LSAMP: variants seen among roughly 807,000 people sequenced by gnomAD.
The protein encoded by LSAMP is limbic system associated membrane protein.
A neutral mutation model predicts 38.6 loss-of-function variants in LSAMP; 7 were observed. The observed-to-expected ratio is 0.18, with a 90% CI of 0.10 to 0.34. The LOEUF is 0.34. LSAMP is among the 10% of genes least tolerant of loss of function. LSAMP has a pLI of 1.00. For missense variants in LSAMP, 313 were observed against 420.0 expected (o/e 0.75, Z 2.23); for synonymous variants, 154 against 166.8 (o/e 0.92, Z 0.59).
At chr3:115,999,327 C>T (rs985759009) in intron 3 of LSAMP, among the ~76,000 whole-genome samples, 7 of 152,180 alleles carry the variant, frequency 4.6e-5, no homozygotes. Flanking sequence ...TCATTCTCCT[C>T]TCTGGCTACC....
intron 2 of LSAMP, among the ~76,000 whole-genome samples, chr3:116,074,942 C>A (rs956380940): frequency 6.7e-6 from 1 of 148,162 alleles, no homozygotes; most frequent in Non-Finnish European, 1.5e-5. Context: ...CACCCGGGTT[C>A]AAGTGATTCT....
chr3:116,161,307 C>A (rs1709881322), intron 1 of LSAMP, among the ~76,000 whole-genome samples: 1 of 152,118 alleles, frequency 6.6e-6, no homozygotes, highest in South Asian at 2.1e-4. Context: ...GTGAATATAG[C>A]AAGATGATTT....
At chr3:115,907,839 T>A (rs868197825) in intron 3 of LSAMP, among the ~76,000 whole-genome samples, 2 of 152,304 alleles carry the variant, frequency 1.3e-5, no homozygotes, top group Middle Eastern at 6.8e-3. Context: ...CACCAGCTAT[T>A]GCTGAGTAAA....
At chr3:115,833,517 T>C (rs1401884338) in intron 6 of LSAMP, among the ~76,000 whole-genome samples, 2 of 152,172 alleles carry the variant, frequency 1.3e-5, no homozygotes, top group Non-Finnish European at 2.9e-5. Flanking sequence ...TTAAAATATA[T>C]TTGCATATGT....
chr3:115,854,282 A>ATTATTATTTT (rs1366839788), intron 3 of LSAMP, among the ~76,000 whole-genome samples: 1 of 107,030 alleles, frequency 9.3e-6, no homozygotes, highest in African/African-American at 3.7e-5. Context: ...TATTATTATT[A>ATTATTATTTT]TTTTTTTTTT....
At chr3:116,186,972 G>A (rs895577647) in intron 1 of LSAMP, among the ~76,000 whole-genome samples, 2 of 152,092 alleles carry the variant, frequency 1.3e-5, no homozygotes, top group African/African-American at 2.4e-5. Context: ...CCAGGTGGTG[G>A]GAGGGGTGGT....
At chr3:116,057,957 C>CACACACACA (rs1553699978) in intron 2 of LSAMP, among the ~76,000 whole-genome samples, 20 of 117,560 alleles carry the variant, frequency 1.7e-4, no homozygotes, top group Admixed American at 3.4e-4. Context: ...ACACACACAC[C>CACACACACA]CACACACACA....
intron 4 of LSAMP, among the ~76,000 whole-genome samples, chr3:115,851,439 TG>T (rs1488882544): frequency 1.3e-5 from 2 of 152,190 alleles, no homozygotes; most frequent in African/African-American, 4.8e-5. Flanking sequence ...TTTACCTCCT[TG>T]GGTTGTGGTT....
intron 2 of LSAMP, among the ~76,000 whole-genome samples, chr3:116,078,538 G>C (rs1458713878): frequency 1.3e-5 from 2 of 152,086 alleles, no homozygotes; most frequent in East Asian, 3.9e-4. Context: ...GTGTTAGCCA[G>C]GATGGTCTTG....
chr3:116,375,344 T>G (rs1448237732), intron 1 of LSAMP, among the ~76,000 whole-genome samples: 3 of 151,964 alleles, frequency 2.0e-5, no homozygotes, highest in African/African-American at 7.2e-5. Flanking sequence ...ATTTTTTAAA[T>G]TTTTTAAGTA....
chr3:115,889,108 G>C (rs994009053), intron 3 of LSAMP, among the ~76,000 whole-genome samples: 1 of 151,926 alleles, frequency 6.6e-6, no homozygotes, highest in Non-Finnish European at 1.5e-5. Context: ...ACATGTTCCA[G>C]TTGGGTAGGA....
intron 3 of LSAMP, among the ~76,000 whole-genome samples, chr3:115,854,317 C>A (rs981558667): frequency 1.6e-5 from 2 of 128,308 alleles, no homozygotes; most frequent in African/African-American, 6.0e-5. Context: ...GAGTCCCGCT[C>A]TTTAGCCTAG....
chr3:116,305,547 G>GAA (rs199767566), intron 1 of LSAMP, among the ~76,000 whole-genome samples: 4 of 147,092 alleles, frequency 2.7e-5, no homozygotes, highest in Non-Finnish European at 4.5e-5. Context: ...CAGCTTGCAC[G>GAA]AAAAAAAAAT....
chr3:116,228,571 T>C (rs183989090), intron 1 of LSAMP, among the ~76,000 whole-genome samples: 39 of 152,188 alleles, frequency 2.6e-4, no homozygotes, highest in African/African-American at 9.1e-4. Flanking sequence ...GTGGTAAATA[T>C]ATGGAGTAAG....
chr3:116,038,093 T>C (rs1175448394), intron 2 of LSAMP, among the ~76,000 whole-genome samples: 2 of 152,090 alleles, frequency 1.3e-5, no homozygotes, highest in East Asian at 3.9e-4. Flanking sequence ...TCATAGTGTA[T>C]AATTTGGTGG....
intron 1 of LSAMP, among the ~76,000 whole-genome samples, chr3:116,270,776 G>C (rs1042365288): frequency 2.8e-4 from 43 of 152,162 alleles, no homozygotes; most frequent in Non-Finnish European, 5.4e-4. Context: ...TATAGAAAAA[G>C]TTCAAAGTAA....
chr3:116,036,173 A>T (rs1208305277), intron 2 of LSAMP, among the ~76,000 whole-genome samples: 1 of 152,178 alleles, frequency 6.6e-6, no homozygotes, highest in East Asian at 1.9e-4. Flanking sequence ...AGAAAATTAC[A>T]CAACTTTTAT....
intron 1 of LSAMP, among the ~76,000 whole-genome samples, chr3:116,278,155 T>A (rs1199099903): frequency 6.6e-6 from 1 of 152,198 alleles, no homozygotes; most frequent in Non-Finnish European, 1.5e-5. Context: ...AACCCTTCTG[T>A]GTGCTGATTA....
At chr3:115,985,618 T>C (rs1255851455) in intron 3 of LSAMP, among the ~76,000 whole-genome samples, 4 of 152,184 alleles carry the variant, frequency 2.6e-5, no homozygotes, top group Non-Finnish European at 5.9e-5. Context: ...CAAAAGACTG[T>C]GGCTTTGGTT....
Sources: gnomAD v4.1 joint callset for allele counts (sites outside exome capture counted in the v4.1 genomes callset) on GRCh38, gnomAD v4.1.1 for gene constraint, MANE v1.5 for transcripts, NCBI Gene and HGNC (gene_info 2026-07-23, HGNC 2026-07-21) for gene names.